The following MORN1 variants were observed in gnomAD, a reference collection of about 807,000 sequenced individuals.
The protein encoded by MORN1 is MORN repeat containing 1.
Under a neutral mutation model 61.9 loss-of-function variants are expected in MORN1, and 67 were observed. That is an observed-to-expected ratio of 1.08 (90% CI 0.89 to 1.33). The LOEUF (loss-of-function observed/expected upper bound fraction) is 1.33. Among genes scored for constraint, MORN1 ranks in the 40% most tolerant of loss-of-function variants. The pLI is 0.00. For missense variants in MORN1, 752 were observed against 691.2 expected (o/e 1.09, Z -0.99); for synonymous variants, 301 against 292.0 (o/e 1.03, Z -0.31).
chr1:2,390,812 G>A lies in MORN1; in HGVS notation c.76+646C>T, dbSNP rs571576421. ...CGCCCAGGCTGGGGTGCAGCGGCGC[G>A]ATCTCGGCTCTCTGCAACCTCCGCT... On this transcript the variant is annotated intron_variant, in intron 1 of 13. Coordinates refer to ENST00000378531, the MANE Select transcript of MORN1 (RefSeq NM_024848.3). The A allele has an allele frequency of 4.4e-5, 40 of 917,802 alleles. No homozygotes were observed. The South Asian group carries it at 1.5e-3, about 34-fold the overall frequency. The allele number at this position is 917,802 out of a possible 1,614,324, so 56.9% of individuals were successfully genotyped here. A position where few individuals can be genotyped will look rare whatever the true frequency, so the allele number is the denominator to read the frequency against.
chr1:2,343,767 G>A (rs1480602824), intron 10 of MORN1, among the ~76,000 whole-genome samples: 1 of 152,196 alleles, frequency 6.6e-6, no homozygotes, highest in Non-Finnish European at 1.5e-5. Flanking sequence ...CTTTCCCGGG[G>A]ACTGGCTGCC....
intron 2 of MORN1, 42 bp downstream of exon 2, chr1:2,389,883 G>A (rs541070626): frequency 1.3e-4 from 204 of 1,585,060 alleles, no homozygotes; most frequent in Non-Finnish European, 1.8e-4. Flanking sequence ...TTCGTCAGCT[G>A]TGGGGCAGCA....
intron 12 of MORN1, 137 bp downstream of exon 12, chr1:2,336,332 C>T (rs1296709713): frequency 5.0e-6 from 4 of 801,214 alleles, no homozygotes; most frequent in Non-Finnish European, 5.6e-6. Context: ...CTCTCTGGAG[C>T]GAGGCCCGTG....
In MORN1 at chr1:2,328,258, G is replaced by C. The variant is rs1324967841; in HGVS notation, c.1251-4115C>G. Among the ~76,000 whole-genome samples, 4 of 152,398 alleles carry C rather than the reference G, an allele frequency of 2.6e-5. No homozygotes were observed. In the East Asian group the frequency reaches 7.7e-4, roughly 29 times the overall value. ...GAGGCCAGTTTGCTGCCAGGCCAGG[G>C]AGGGCGGTTTGCAGCGGGGCTGTGA... is the stretch of plus-strand genomic sequence containing the variant. On this transcript the variant is annotated intron_variant, in intron 12 of 13. Transcript: ENST00000378531.
intron 10 of MORN1, among the ~76,000 whole-genome samples, chr1:2,354,818 A>G (rs1641725153): frequency 6.6e-6 from 1 of 152,230 alleles, no homozygotes; most frequent in Non-Finnish European, 1.5e-5. Context: ...CCAGCCTCCC[A>G]GGGTTGGTGT....
At chr1:2,325,159 C>CCCTTCCTTCCTTT in intron 12 of MORN1, among the ~76,000 whole-genome samples, 1 of 75,056 alleles carries the variant, frequency 1.3e-5, no homozygotes, top group Non-Finnish European at 2.9e-5. Flanking sequence ...TTCCTTCCCT[C>CCCTTCCTTCCTTT]CCTTCCTTCC....
At chr1:2,374,379 G>T in intron 7 of MORN1, 82 bp downstream of exon 7, 1 of 1,265,172 alleles carries the variant, frequency 7.9e-7, no homozygotes, top group Non-Finnish European at 1.1e-6. Context: ...CTTGGTCAGT[G>T]TTTCCCATAT....
chr1:2,387,910 G>A, intron 3 of MORN1: 1 of 419,058 alleles, frequency 2.4e-6, no homozygotes, highest in Non-Finnish European at 4.3e-6. Context: ...TGAGGTTCCT[G>A]GACACACAGC....
At position 2,336,980 on chromosome 1, in the gene MORN1, T is replaced by C. The variant is rs1641294201; in HGVS notation, c.1037-130A>G. On this transcript the variant is annotated intron_variant, in intron 10 of 13. Coordinates refer to ENST00000378531, the MANE Select transcript of MORN1 (RefSeq NM_024848.3). ...ACAGACGCCAGTCGCGATGCCATCT[T>C]GGTGGGGGCAGGTCAGGGGGCAGGG... The C allele has an allele frequency of 1.9e-5, 21 of 1,104,562 alleles. No individual in the cohort carries two copies. The East Asian group carries it at 6.5e-4, about 34-fold the overall frequency. 68.4% of individuals were successfully genotyped at this position (1,104,562 alleles called of 1,614,324 possible). A position where few individuals can be genotyped will look rare whatever the true frequency, so the allele number is the denominator to read the frequency against.
chr1:2,387,872 AC>A, intron 3 of MORN1: 1 of 422,212 alleles, frequency 2.4e-6, no homozygotes, highest in Non-Finnish European at 4.3e-6. Flanking sequence ...TCCACTGAGA[AC>A]CCACCGACCC....
intron 6 of MORN1, chr1:2,375,232 G>A (rs554793662): frequency 1.3e-5 from 2 of 152,298 alleles, no homozygotes; most frequent in South Asian, 4.1e-4. Context: ...TTAACCAAAG[G>A]CACGTTTTGC....
chr1:2,379,653 G>A (rs1001673773), intron 6 of MORN1, among the ~76,000 whole-genome samples: 1 of 152,218 alleles, frequency 6.6e-6, no homozygotes, highest in African/African-American at 2.4e-5. Flanking sequence ...GGCCACGGCT[G>A]ACAGTGGGTG....
rs534523463 is a variant in MORN1 at position 2,335,205 on chromosome 1, G to T, written c.1250+1264C>A. ...CAGCCCCCGAGCGTTCCCCACGAGG[G>T]GCCTCACTGCAGGGGGCTGCAGCAG... On this transcript the variant is annotated intron_variant, in intron 12 of 13. Transcript: ENST00000378531. 2.6e-5 allele frequency among the ~76,000 whole-genome samples: 4 copies of T among 152,334 alleles called. 1 individual carries two copies. Among genetic ancestry groups the T allele is most frequent in the African/African-American group, 9.6e-5 (4 of 41,582 alleles).
rs1641222928 is a variant in MORN1, at chr1:2,334,454, G to A, written c.1250+2015C>T. Among the ~76,000 whole-genome samples, 1 of 152,168 alleles carries A rather than the reference G, an allele frequency of 6.6e-6. No individual in the cohort carries two copies. Among genetic ancestry groups the A allele is most frequent in the East Asian group, 1.9e-4 (1 of 5,186 alleles). On this transcript the variant is annotated intron_variant, in intron 12 of 13. Transcript: ENST00000378531. The surrounding 1 kb of genome is among the most constrained non-coding windows in gnomAD (Gnocchi z 5.4). Reference sequence around the variant, plus strand: ...CGGGCAGAGCTTACGGAGAGTTCCCGATGGGAAAGACTCCCCAGGGTTTCC... The same window carrying A: ...CGGGCAGAGCTTACGGAGAGTTCCCAATGGGAAAGACTCCCCAGGGTTTCC...
chr1:2,378,977 G>A (rs1642309680), intron 6 of MORN1: 1 of 469,006 alleles, frequency 2.1e-6, no homozygotes, highest in Non-Finnish European at 4.4e-6. Flanking sequence ...TCCGTCAGAA[G>A]AAGCTGTAAC....
At chr1:2,324,929 G>T (rs1010458044) in intron 12 of MORN1, among the ~76,000 whole-genome samples, 2 of 151,744 alleles carry the variant, frequency 1.3e-5, no homozygotes, top group Non-Finnish European at 2.9e-5. Context: ...TGAGGACGTG[G>T]CCATGGCCCT....
rs575482914 is a variant in MORN1, at chr1:2,348,123, C to T, written c.1036+9309G>A. 3.8e-4 allele frequency among the ~76,000 whole-genome samples: 58 copies of T among 152,356 alleles called. No individual in the cohort carries two copies. In the South Asian group the frequency reaches 9.3e-3, roughly 24 times the overall value. On this transcript the variant is annotated intron_variant, in intron 10 of 13. Transcript: ENST00000378531. ...GAGCTCTCATTGTGTCTTCAGTCTC[C>T]GTCGGTCTGGAACATTCCCGGGCCT...
rs771449004 is a variant in MORN1 at position 2,374,447 on chromosome 1, G to T, written c.634+14C>A. ...TGGACCTCACAGTGCCCACAGGAAG[G>T]CAGGGACACCTACCTGCTGGGTGGC... is the stretch of plus-strand genomic sequence containing the variant. On this transcript the variant is annotated intron_variant, in intron 7 of 13. Transcript: ENST00000378531. The T allele has an allele frequency of 2.5e-6, 4 of 1,569,116 alleles. No homozygotes were observed. In the East Asian group the frequency reaches 9.3e-5, roughly 36 times the overall value.
At chr1:2,322,404 C>G in intron 13 of MORN1, 1 of 985,380 alleles carries the variant, frequency 1.0e-6, no homozygotes, top group Non-Finnish European at 1.2e-6. Context: ...AGCAACATTC[C>G]AGACGCCGGC....
Sources: gnomAD v4.1 joint callset for allele counts (sites outside exome capture counted in the v4.1 genomes callset) on GRCh38, gnomAD v4.1.1 for gene constraint, Gnocchi (gnomAD v3.1) non-coding constraint, MANE v1.5 for transcripts, NCBI Gene and HGNC (gene_info 2026-07-23, HGNC 2026-07-21) for gene names.